Variants in OSBP2 observed in about 807,000 individuals in gnomAD.
OSBP2 encodes oxysterol-binding protein 2.
Under a neutral mutation model 96.0 loss-of-function variants are expected in OSBP2, and 66 were observed. The ratio of observed to expected loss-of-function variants is 0.69; its 90% CI spans 0.56 to 0.84. OSBP2 has a LOEUF of 0.84. OSBP2 is among the 40% of genes least tolerant of loss of function. The pLI, the probability that OSBP2 is intolerant of heterozygous loss-of-function variation, is 0.00. For missense variants in OSBP2, 1,038 were observed against 1,222.7 expected, an observed-to-expected ratio of 0.85 and a Z score of 2.25; for synonymous variants, 525 against 520.9, an observed-to-expected ratio of 1.01 and a Z score of -0.11.
intron 2 of OSBP2, among the ~76,000 whole-genome samples, chr22:30,829,441 T>C (rs1011998670): frequency 2.6e-4 from 39 of 152,266 alleles, no homozygotes; most frequent in Non-Finnish European, 5.1e-4. Context: ...TACAGATGCC[T>C]GCCACCACGC....
chr22:30,794,117 T>C (rs938808515), intron 2 of OSBP2, among the ~76,000 whole-genome samples: 4 of 151,822 alleles, frequency 2.6e-5, no homozygotes, highest in Non-Finnish European at 5.9e-5. Context: ...ATCCAAGCAC[T>C]TTGGGAGGCC....
chr22:30,865,631 C>CAAAAAAAAAAAAAAAA (rs398040482), intron 2 of OSBP2, among the ~76,000 whole-genome samples: 1 of 59,898 alleles, frequency 1.7e-5, no homozygotes, highest in Non-Finnish European at 3.1e-5. Context: ...GACTCCATCT[C>CAAAAAAAAAAAAAAAA]AAAAAAAAAA....
chr22:30,894,953 T>G (rs2040029346), intron 12 of OSBP2, among the ~76,000 whole-genome samples: 1 of 152,174 alleles, frequency 6.6e-6, no homozygotes, highest in Admixed American at 6.5e-5. Context: ...CCAGCAGACC[T>G]GCACAAAAGG....
Position 30,695,000 on chromosome 22 carries a change from T to A in OSBP2, c.91T>A (p.Ser31Thr). Residue 31 changes from serine (S) to threonine (T), a missense_variant, in exon 1 of 14, where the codon TCG (serine) becomes ACG (threonine). Ser to Thr is a moderately conservative substitution (Grantham distance 58, BLOSUM62 1). This residue lies in a region of OSBP2 where 281 missense variants were observed against 273.4 expected (regional missense o/e 1.03). Coordinates refer to ENST00000332585, the MANE Select transcript of OSBP2 (RefSeq NM_030758.4). ...GCTGTTCACGGTTGTCCCCTGCCTG[T>A]CGTGCCACACGGCGGCGCCGGGCAT... ...SSLFTVVPCL[S>T]CHTAAPGMSA... The A allele has an allele frequency of 6.4e-7, 1 of 1,571,344 alleles. No individual in the cohort carries two copies. The highest frequency in any genetic ancestry group is 1.8e-4 in the Middle Eastern group (1 of 5,616).
Position 30,881,900 on chromosome 22 carries a change from C to T in OSBP2, c.1108-5526C>T. The T allele has an allele frequency of 9.6e-7, 1 of 1,045,720 alleles. No homozygotes were observed. The highest frequency in any genetic ancestry group is 2.6e-5 in the Admixed American group (1 of 38,800). The allele number at this position is 1,045,720 out of a possible 1,614,324, so 64.8% of individuals were successfully genotyped here. On this transcript the variant is annotated intron_variant, in intron 3 of 13. Coordinates refer to ENST00000332585, the MANE Select transcript of OSBP2 (RefSeq NM_030758.4). The surrounding 1 kb of genome is among the most constrained non-coding windows in gnomAD (Gnocchi z 4.5). ...GTGGGGGTAAAGGTCTTGGGTGCAG[C>T]CACATGAGGCCTTTGATATTAGGGC...
intron 12 of OSBP2, chr22:30,902,756 A>G: frequency 2.2e-6 from 1 of 450,844 alleles, no homozygotes; most frequent in South Asian, 1.9e-5. Context: ...CCCAGAGTGG[A>G]ATTCGTTCAC....
rs149266052 is a variant in OSBP2 at position 30,904,121 on chromosome 22, G to T, written c.2376-1716G>T. The stretch of plus-strand genomic sequence containing the variant: ...AGTCTTCCCTTTGGGGAGCAGTTGG[G>T]GGGTGGCTGGCAGCAAGGGCCTAGG... On this transcript the variant is annotated intron_variant, in intron 12 of 13. Transcript: ENST00000332585. 2.0e-3 allele frequency among the ~76,000 whole-genome samples: 309 copies of T among 152,310 alleles called. 2 individuals are homozygous for T. The highest frequency in any genetic ancestry group is 7.0e-3 in the African/African-American group (293 of 41,562).
intron 1 of OSBP2, among the ~76,000 whole-genome samples, chr22:30,729,480 A>G (rs2089709627): frequency 6.6e-6 from 1 of 152,124 alleles, no homozygotes; most frequent in African/African-American, 2.4e-5. Context: ...TCTACTAAAA[A>G]TACAAACATT....
intron 2 of OSBP2, chr22:30,822,599 C>T (rs745883586): frequency 5.2e-6 from 8 of 1,524,622 alleles, no homozygotes; most frequent in Admixed American, 2.0e-5. Context: ...CATGTAGCGC[C>T]CCGCCGATTG....
chr22:30,903,177 G>A (rs539836055), intron 12 of OSBP2, among the ~76,000 whole-genome samples: 2 of 152,180 alleles, frequency 1.3e-5, no homozygotes, highest in East Asian at 1.9e-4. Flanking sequence ...ACATTGGCCC[G>A]ACTCCAGGTG....
At chr22:30,754,797 A>G (rs1569110043) in intron 2 of OSBP2, among the ~76,000 whole-genome samples, 1 of 152,036 alleles carries the variant, frequency 6.6e-6, no homozygotes, top group East Asian at 1.9e-4. Flanking sequence ...GCAGGGGTTG[A>G]CCTGTCCAGC....
chr22:30,730,803 TATATAA>T lies in OSBP2; in HGVS notation c.645-10357_645-10352del, dbSNP rs1569100699. Among the ~76,000 whole-genome samples, 197 of 53,102 alleles carry T rather than the reference TATATAA, an allele frequency of 3.7e-3. 12 individuals carry two copies. The highest frequency in any genetic ancestry group is 7.8e-3 in the African/African-American group (80 of 10,246). The allele number at this position is 53,102 out of a possible 152,430, so 34.8% of individuals were successfully genotyped here. Reference sequence around the variant, plus strand: ...ATATATATATATATATATATATATATATATAATTTTTTTTTTTTTTCCCATGGACAT... The same window carrying T: ...ATATATATATATATATATATATATATTTTTTTTTTTTTTTCCCATGGACAT... On this transcript the variant is annotated intron_variant, in intron 1 of 13. Transcript: ENST00000332585.
Position 30,870,299 on chromosome 22 carries a change from C to A in OSBP2, c.854-130C>A. 1.0e-6 allele frequency: 1 copy of A among 959,556 alleles called. No homozygotes were observed. Among genetic ancestry groups the A allele is most frequent in the Non-Finnish European group, 1.5e-6 (1 of 646,212 alleles). The allele number at this position is 959,556 out of a possible 1,614,324, so 59.4% of individuals were successfully genotyped here. A position where few individuals can be genotyped will look rare whatever the true frequency, so the allele number is the denominator to read the frequency against. ...ACCTCACCCCGGCCAGGAACAGGAA[C>A]GGGCACCATCTCGGGGACTGATGTT... On this transcript the variant is annotated intron_variant, in intron 2 of 13. Coordinates refer to ENST00000332585, the MANE Select transcript of OSBP2 (RefSeq NM_030758.4). This position sits in a 1 kb window ranked among gnomAD's most constrained non-coding sequence, Gnocchi z 4.1.
chr22:30,817,599 G>T (rs1258621455), intron 2 of OSBP2, among the ~76,000 whole-genome samples: 1 of 152,206 alleles, frequency 6.6e-6, no homozygotes, highest in African/African-American at 2.4e-5. Context: ...GGAAGGCTTG[G>T]GAAGACAGGT....
chr22:30,784,022 TC>T (rs2090554468), intron 2 of OSBP2, among the ~76,000 whole-genome samples: 2 of 152,318 alleles, frequency 1.3e-5, no homozygotes, highest in Admixed American at 1.3e-4. Context: ...AGGGATGGCA[TC>T]TTTACGATTG....
At chr22:30,707,336 A>T (rs149537336) in intron 1 of OSBP2, among the ~76,000 whole-genome samples, 33 of 152,086 alleles carry the variant, frequency 2.2e-4, no homozygotes, top group Middle Eastern at 3.4e-3. Context: ...ACCTCAAGTG[A>T]TCCACCCACC....
intron 2 of OSBP2, among the ~76,000 whole-genome samples, chr22:30,821,063 C>T (rs541428049): frequency 1.3e-5 from 2 of 152,282 alleles, no homozygotes; most frequent in Admixed American, 6.5e-5. Flanking sequence ...CAAGGTGGCA[C>T]AGTTAGGTAG....
intron 1 of OSBP2, among the ~76,000 whole-genome samples, chr22:30,729,243 C>G (rs1377788632): frequency 1.3e-5 from 2 of 152,070 alleles, no homozygotes; most frequent in Admixed American, 6.6e-5. Context: ...GACATTTATC[C>G]AAAAGAACTG....
chr22:30,767,136 T>TCCA (rs2090284300), intron 2 of OSBP2, among the ~76,000 whole-genome samples: 2 of 17,602 alleles, frequency 1.1e-4, no homozygotes, highest in Non-Finnish European at 2.1e-4. Flanking sequence ...CTACTAAAAA[T>TCCA]ACAAAAAAAA....
Sources: allele counts gnomAD v4.1 joint callset (sites outside exome capture counted in the v4.1 genomes callset), GRCh38; gene constraint gnomAD v4.1.1; regional missense constraint gnomAD v4.1.1; non-coding constraint Gnocchi (gnomAD v3.1); transcripts MANE v1.5; gene names NCBI Gene and HGNC (gene_info 2026-07-23, HGNC 2026-07-21).